Variants in CHRNA9 observed in about 807,000 individuals in gnomAD.
CHRNA9 encodes the protein neuronal acetylcholine receptor subunit alpha-9.
A neutral mutation model predicts 36.8 loss-of-function variants in CHRNA9; 24 were observed. That is an observed-to-expected ratio of 0.65 (90% confidence interval 0.47 to 0.92). The LOEUF (loss-of-function observed/expected upper bound fraction) is 0.92. Among genes scored for constraint, CHRNA9 ranks in the 40% least tolerant of loss-of-function variants. CHRNA9 has a pLI of 0.00. For missense variants in CHRNA9, 610 were observed against 601.2 expected, an observed-to-expected ratio of 1.01 and a Z score of -0.15; for synonymous variants, 231 against 231.8, an observed-to-expected ratio of 1.00 and a Z score of 0.03.
chr4:40,338,846 GTCTCTGTCTCTCTCTC>G (rs1343772596), intron 3 of CHRNA9, among the ~76,000 whole-genome samples: 2 of 129,130 alleles, frequency 1.5e-5, no homozygotes, highest in Non-Finnish European at 1.6e-5. Context: ...CTCTGTCTCT[GTCTCTGTCTCTCTCTC>G]TCTCTGTCTC....
At chr4:40,345,906 T>G (rs1712625005) in intron 3 of CHRNA9, among the ~76,000 whole-genome samples, 1 of 152,102 alleles carries the variant, frequency 6.6e-6, no homozygotes, top group Non-Finnish European at 1.5e-5. Flanking sequence ...GCACCTGTAA[T>G]CCCAGCTACT....
At position 40,354,483 on chromosome 4, in the gene CHRNA9, T is replaced by G. The variant is rs1360785485; in HGVS notation, c.1403T>G (p.Phe468Cys). Reference protein sequence around the residue: ...FFMWIFFIMVFVMTILIIARA... With the variant: ...FFMWIFFIMVCVMTILIIARA... Reference sequence around the variant, plus strand: ...ATGTGGATTTTTTTCATTATGGTGTTTGTGATGACTATTTTGATCATAGCA... The same window carrying G: ...ATGTGGATTTTTTTCATTATGGTGTGTGTGATGACTATTTTGATCATAGCA... The change falls in exon 5 of 5, where the codon TTT becomes TGT. Residue 468 changes from phenylalanine (F) to cysteine (C), a missense_variant. Coordinates refer to ENST00000310169, the MANE Select transcript of CHRNA9 (RefSeq NM_017581.4). 1 of 1,613,644 alleles carries G rather than the reference T, an allele frequency of 6.2e-7. No individual in the cohort carries two copies. The highest frequency in any genetic ancestry group is 1.3e-5 in the African/African-American group (1 of 74,916).
chr4:40,352,533 A>G (rs189924878), intron 4 of CHRNA9, among the ~76,000 whole-genome samples: 34 of 152,156 alleles, frequency 2.2e-4, no homozygotes, highest in African/African-American at 7.9e-4. Flanking sequence ...CTATACAGTT[A>G]TTTATAATAT....
At chr4:40,337,397 C>T (rs1378322976) in intron 3 of CHRNA9, 33 bp downstream of exon 3, 1 of 1,586,026 alleles carries the variant, frequency 6.3e-7, no homozygotes, top group Admixed American at 1.8e-5. Flanking sequence ...GCTTTTCAGG[C>T]ATGAACGTGT....
Position 40,337,276 on chromosome 4 carries a change from A to G in CHRNA9, c.277A>G (p.Thr93Ala). The G allele has an allele frequency of 6.2e-7, 1 of 1,612,062 alleles. No individual in the cohort carries two copies. The highest frequency in any genetic ancestry group is 8.5e-7 in the Non-Finnish European group (1 of 1,178,210). Residue 93 changes from threonine (T) to alanine (A), a missense_variant, in exon 3 of 5, where the codon ACG (threonine) becomes GCG (alanine). By Grantham distance (58) the Thr-to-Ala change is moderately conservative. Transcript: ENST00000310169. ...IRQIWHDAYL[T>A]WDRDQYDGLD... ...CCAAATCTGGCACGATGCCTATCTC[A>G]CGTGGGACCGAGATCAGTACGATGG...
At position 40,349,340 on chromosome 4, in the gene CHRNA9, T is replaced by C. The variant is rs749178743; in HGVS notation, c.824T>C (p.Ile275Thr). 10 of 1,613,996 alleles carry C rather than the reference T, an allele frequency of 6.2e-6. No individual in the cohort carries two copies. The Admixed American group carries it at 1.5e-4, about 24-fold the overall frequency. The change falls in exon 4 of 5, where the codon ATC (isoleucine) becomes ACC (threonine). Residue 275 changes from isoleucine to threonine, a missense_variant. By Grantham distance (89) the Ile-to-Thr change is moderately conservative. Coordinates refer to ENST00000310169, the MANE Select transcript of CHRNA9 (RefSeq NM_017581.4). The stretch of plus-strand genomic sequence containing the variant: ...GAAAAGGTCTCCCTGGGAGTGACCA[T>C]CCTGTTGGCCATGACTGTATTTCAG... ...SGEKVSLGVT[I>T]LLAMTVFQLM... is the part of the protein sequence containing the mutation.
chr4:40,346,675 G>A (rs527944544), intron 3 of CHRNA9, among the ~76,000 whole-genome samples: 1 of 152,246 alleles, frequency 6.6e-6, no homozygotes, highest in East Asian at 1.9e-4. Context: ...AGATCCTCTT[G>A]GGTATGGAGT....
At position 40,354,671 on chromosome 4, in the gene CHRNA9, T is replaced by A; in HGVS notation, c.*151T>A. On this transcript the variant is annotated 3_prime_UTR_variant, in exon 5 of 5. Transcript: ENST00000310169. ...TAGCTTCAAATGAATGTCGAAGCTA[T>A]CTGCTCTGTTAAATTAAGCAGAAGA... The A allele has an allele frequency of 1.4e-6, 1 of 693,108 alleles. No individual in the cohort carries two copies. Among genetic ancestry groups the A allele is most frequent in the Non-Finnish European group, 2.4e-6 (1 of 413,938 alleles). 42.9% of individuals were successfully genotyped at this position (693,108 alleles called of 1,614,324 possible).
intron 3 of CHRNA9, chr4:40,347,898 T>G (rs994025969): frequency 6.6e-6 from 1 of 152,208 alleles, no homozygotes; most frequent in Non-Finnish European, 1.5e-5. Flanking sequence ...ATGTACCAAT[T>G]AAGGCTCTTT....
intron 1 of CHRNA9, 44 bp from the exon 2 acceptor site, chr4:40,335,783 A>G (rs1250262089): frequency 1.3e-6 from 2 of 1,586,886 alleles, no homozygotes; most frequent in South Asian, 1.1e-5. Context: ...CTTGAAATAC[A>G]CACAACACTC....
intron 3 of CHRNA9, among the ~76,000 whole-genome samples, chr4:40,341,283 T>G (rs1303772459): frequency 6.6e-6 from 1 of 152,036 alleles, no homozygotes; most frequent in Non-Finnish European, 1.5e-5. Flanking sequence ...GGTTTTTTTT[T>G]TTGTTTTTTG....
rs1712882926 is a variant in CHRNA9 at position 40,354,174 on chromosome 4, G to A, written c.1094G>A (p.Arg365Lys). The A allele has an allele frequency of 6.2e-7, 1 of 1,614,166 alleles. No individual in the cohort carries two copies. The highest frequency in any genetic ancestry group is 1.1e-5 in the South Asian group (1 of 91,086). ...GESCLSPHHS[R>K]ERDHLTKVYS... Reference sequence around the variant, plus strand: ...AGCTGCCTCAGCCCGCACCACAGTAGAGAGCGGGACCACCTCACGAAAGTT... The same window carrying A: ...AGCTGCCTCAGCCCGCACCACAGTAAAGAGCGGGACCACCTCACGAAAGTT... Residue 365 changes from arginine (R) to lysine (K), a missense_variant, in exon 5 of 5, where the codon AGA (arginine) becomes AAA (lysine). Arg to Lys is a conservative substitution (Grantham distance 26). Coordinates refer to ENST00000310169, the MANE Select transcript of CHRNA9 (RefSeq NM_017581.4).
At chr4:40,340,973 C>CAAAAAAAAAAAAAAAAAAAAA (rs543449903) in intron 3 of CHRNA9, among the ~76,000 whole-genome samples, 1 of 64,968 alleles carries the variant, frequency 1.5e-5, no homozygotes. Context: ...ATAAGCTCTC[C>CAAAAAAAAAAAAAAAAAAAAA]AAAAAAAAAA....
chr4:40,335,637 G>A (rs1712294559), intron 1 of CHRNA9, 106 bp downstream of exon 1: 5 of 1,046,340 alleles, frequency 4.8e-6, no homozygotes, highest in African/African-American at 1.6e-5. Flanking sequence ...CAACCGCATG[G>A]AAGTGTTCTG....
intron 3 of CHRNA9, among the ~76,000 whole-genome samples, chr4:40,345,714 A>AAAACAAAC (rs200677279): frequency 6.6e-6 from 1 of 151,076 alleles, no homozygotes; most frequent in Non-Finnish European, 1.5e-5. Flanking sequence ...TCCATCTCAA[A>AAAACAAAC]AAACAAACAA....
chr4:40,347,431 G>A (rs1315665971), intron 3 of CHRNA9, among the ~76,000 whole-genome samples: 2 of 152,166 alleles, frequency 1.3e-5, no homozygotes, highest in East Asian at 1.9e-4. Flanking sequence ...CAGTAGATTG[G>A]TTAAATAACT....
rs112422052 is a variant in CHRNA9 at position 40,339,478 on chromosome 4, C to T, written c.365+2114C>T. ...GGGGCGGATCATGAGGTCAGGAGATCGAGACCATCCTGGCTAACATGGTGA... is the reference window on the plus strand; with the variant it reads ...GGGGCGGATCATGAGGTCAGGAGATTGAGACCATCCTGGCTAACATGGTGA... On this transcript the variant is annotated intron_variant, in intron 3 of 4. Coordinates refer to ENST00000310169, the MANE Select transcript of CHRNA9 (RefSeq NM_017581.4). Among the ~76,000 whole-genome samples the T allele has an allele frequency of 6.2e-3, 929 of 150,312 alleles. 12 individuals carry two copies. The highest frequency in any genetic ancestry group is 0.021 in the African/African-American group (861 of 40,888).
chr4:40,344,889 A>C (rs1197928729), intron 3 of CHRNA9, among the ~76,000 whole-genome samples: 1 of 152,246 alleles, frequency 6.6e-6, no homozygotes, highest in Non-Finnish European at 1.5e-5. Context: ...GGATGGAAAG[A>C]TATCTGACTG....
intron 3 of CHRNA9, among the ~76,000 whole-genome samples, chr4:40,340,727 T>C (rs1263360598): frequency 6.6e-6 from 1 of 152,058 alleles, no homozygotes; most frequent in South Asian, 2.1e-4. Context: ...AGAGTCACCA[T>C]TGGTGCCCAA....
Sources: gnomAD v4.1 joint callset for allele counts (sites outside exome capture counted in the v4.1 genomes callset) on GRCh38, gnomAD v4.1.1 for gene constraint, MANE v1.5 for transcripts, NCBI Gene and HGNC (gene_info 2026-07-23, HGNC 2026-07-21) for gene names.